The following BTRC variants were observed in gnomAD, a reference collection of about 807,000 sequenced individuals.
The protein encoded by BTRC is beta-transducin repeat containing E3 ubiquitin protein ligase, also known as F-box/WD repeat-containing protein 1A.
BTRC carries 42 observed loss-of-function variants against 85.5 expected under a neutral mutation model. That is an observed-to-expected ratio of 0.49 (90% CI 0.38 to 0.64). The LOEUF (loss-of-function observed/expected upper bound fraction) is 0.64, where lower values mean the gene tolerates loss of function less well. Among genes scored for constraint, BTRC ranks in the 30% least tolerant of loss-of-function variants. The pLI is 0.00. For synonymous variants in BTRC, 255 were observed against 263.3 expected (o/e 0.97, Z 0.30); for missense variants, 594 against 743.5 (o/e 0.80, Z 2.34).
chr10:101,434,034 A>G (rs1173948703), intron 2 of BTRC, among the ~76,000 whole-genome samples: 1 of 152,214 alleles, frequency 6.6e-6, no homozygotes, highest in African/African-American at 2.4e-5. Context: ...TAACATTTTT[A>G]TGAAAAATAT....
chr10:101,497,962 G>C (rs556697518), intron 4 of BTRC, among the ~76,000 whole-genome samples: 1 of 152,244 alleles, frequency 6.6e-6, no homozygotes, highest in Admixed American at 6.5e-5. Context: ...AGAGCCTGCA[G>C]TGAGCCGTGA....
intron 4 of BTRC, among the ~76,000 whole-genome samples, chr10:101,509,938 C>T (rs1258595446): frequency 6.6e-6 from 1 of 150,510 alleles, no homozygotes; most frequent in African/African-American, 2.4e-5. Flanking sequence ...GAGGCCAAGA[C>T]AGGTGGATCA....
chr10:101,487,827 A>G (rs1405032651), intron 4 of BTRC, among the ~76,000 whole-genome samples: 1 of 152,212 alleles, frequency 6.6e-6, no homozygotes, highest in African/African-American at 2.4e-5. Flanking sequence ...GCACAATGCC[A>G]GGCTCAGTTT....
rs2062276918 is a variant in BTRC, at chr10:101,531,287, A to G, written c.794A>G (p.Asn265Ser). The G allele has an allele frequency of 6.2e-7, 1 of 1,611,368 alleles. No homozygotes were observed. Among genetic ancestry groups the G allele is most frequent in the African/African-American group, 1.3e-5 (1 of 74,938 alleles). The change falls in exon 7 of 15, where the codon AAC becomes AGC. Residue 265 changes from asparagine (N) to serine (S), a missense_variant. By Grantham distance (46) the Asn-to-Ser change is conservative (BLOSUM62 1). Transcript: ENST00000370187. The stretch of plus-strand genomic sequence containing the variant: ...CCTCCTGACGGGAATGCTCCTCCCA[A>G]CTCTTTTTATAGAGCACTTTATCCT... ...NKPPDGNAPP[N>S]SFYRALYPKI...
At chr10:101,532,812 T>A in intron 8 of BTRC, 140 bp from the exon 9 acceptor site, 1 of 468,690 alleles carries the variant, frequency 2.1e-6, no homozygotes, top group East Asian at 4.6e-5. Context: ...GCGCGCGCGC[T>A]TAGCTATACC....
intron 2 of BTRC, among the ~76,000 whole-genome samples, chr10:101,433,343 G>A (rs1364507096): frequency 6.6e-6 from 1 of 152,108 alleles, no homozygotes; most frequent in East Asian, 1.9e-4. Context: ...ATAAATTCTA[G>A]GAAGGGAATG....
intron 4 of BTRC, among the ~76,000 whole-genome samples, chr10:101,491,246 GACTT>G (rs60445700): frequency 0.32 from 48,128 of 151,734 alleles, 9,762 homozygotes; most frequent in East Asian, 0.66. Flanking sequence ...TCAGGGTGGT[GACTT>G]ACTTTAGTAA....
At chr10:101,472,314 C>A (rs892790143) in intron 3 of BTRC, among the ~76,000 whole-genome samples, 1 of 148,284 alleles carries the variant, frequency 6.7e-6, no homozygotes, top group Admixed American at 6.8e-5. Flanking sequence ...CTTCTCTTCT[C>A]TTCTCTTCTC....
chr10:101,443,493 G>A (rs1944744911), intron 2 of BTRC, among the ~76,000 whole-genome samples: 1 of 152,094 alleles, frequency 6.6e-6, no homozygotes, highest in Non-Finnish European at 1.5e-5. Context: ...GTGTATGTGT[G>A]CATACAAAAC....
At chr10:101,366,089 A>G (rs982415876) in intron 1 of BTRC, among the ~76,000 whole-genome samples, 1 of 152,154 alleles carries the variant, frequency 6.6e-6, no homozygotes, top group Admixed American at 6.6e-5. Context: ...AATTTACACC[A>G]TAAAACCCCT....
chr10:101,517,374 A>G (rs887977379), intron 4 of BTRC, among the ~76,000 whole-genome samples: 19 of 152,216 alleles, frequency 1.2e-4, no homozygotes, highest in African/African-American at 4.1e-4. Flanking sequence ...GCAGTGAGCT[A>G]TGATCACACC....
At chr10:101,357,881 T>C (rs2134463009) in intron 1 of BTRC, among the ~76,000 whole-genome samples, 1 of 152,338 alleles carries the variant, frequency 6.6e-6, no homozygotes, top group East Asian at 1.9e-4. Flanking sequence ...AAAGCAACGG[T>C]TTACATTAAC....
chr10:101,536,666 A>T lies in BTRC; in HGVS notation c.1577+13A>T, dbSNP rs1296787025. ...GGGCCTATGATGGGTGAGTGTGCTAACAGAGTGTAAAAAAGAGAAAATCTA... is the reference window on the plus strand; with the variant it reads ...GGGCCTATGATGGGTGAGTGTGCTATCAGAGTGTAAAAAAGAGAAAATCTA... On this transcript the variant is annotated intron_variant, in intron 12 of 14. Transcript: ENST00000370187. 6.3e-7 allele frequency: 1 copy of T among 1,578,652 alleles called. No homozygotes were observed. The highest frequency in any genetic ancestry group is 8.7e-7 in the Non-Finnish European group (1 of 1,148,586).
At chr10:101,528,132 T>G (rs1178261537) in intron 6 of BTRC, among the ~76,000 whole-genome samples, 2 of 152,230 alleles carry the variant, frequency 1.3e-5, no homozygotes, top group South Asian at 4.1e-4. Context: ...TTAAGGAGAT[T>G]CATTCCTTTA....
chr10:101,511,658 C>G (rs1050219120), intron 4 of BTRC, among the ~76,000 whole-genome samples: 2 of 152,036 alleles, frequency 1.3e-5, no homozygotes, highest in African/African-American at 4.8e-5. Flanking sequence ...CGGGTTCAAG[C>G]GAGGGTTCAC....
At position 101,366,878 on chromosome 10, in the gene BTRC, TTA is replaced by T. The variant is rs1406575254; in HGVS notation, c.48+12658_48+12659del. On this transcript the variant is annotated intron_variant, in intron 1 of 14. Coordinates refer to ENST00000370187, the MANE Select transcript of BTRC (RefSeq NM_033637.4). ...TATATATTTATATATTAATATATAT[TTA>T]TATATATTTATATATATTTATATAT... Among the ~76,000 whole-genome samples, 10 of 15,912 alleles carry T rather than the reference TTA, an allele frequency of 6.3e-4. 2 individuals carry two copies. The highest frequency in any genetic ancestry group is 4.0e-3 in the East Asian group (3 of 758). The allele number at this position is 15,912 out of a possible 152,430, so 10.4% of individuals were successfully genotyped here. A position where few individuals can be genotyped will look rare whatever the true frequency, so the allele number is the denominator to read the frequency against.
chr10:101,422,484 T>C (rs2134057368), intron 1 of BTRC, among the ~76,000 whole-genome samples: 1 of 152,356 alleles, frequency 6.6e-6, no homozygotes, highest in East Asian at 1.9e-4. Context: ...TAGATCCCAT[T>C]TGTCAATTTT....
At chr10:101,441,051 G>A (rs1014262857) in intron 2 of BTRC, among the ~76,000 whole-genome samples, 1 of 152,158 alleles carries the variant, frequency 6.6e-6, no homozygotes, top group Non-Finnish European at 1.5e-5. Flanking sequence ...TTTAAGCTAT[G>A]AGAACCCACT....
chr10:101,434,401 C>T (rs1944474907), intron 2 of BTRC, among the ~76,000 whole-genome samples: 1 of 151,950 alleles, frequency 6.6e-6, no homozygotes, highest in African/African-American at 2.4e-5. Flanking sequence ...AACAATGAAC[C>T]TCAACGGTTA....
Sources: allele counts gnomAD v4.1 joint callset (sites outside exome capture counted in the v4.1 genomes callset), GRCh38; gene constraint gnomAD v4.1.1; transcripts MANE v1.5; gene names NCBI Gene and HGNC (gene_info 2026-07-23, HGNC 2026-07-21).